FBXO11: variants seen among roughly 807,000 people sequenced by gnomAD.
FBXO11 encodes F-box only protein 11.
In FBXO11, 13 loss-of-function variants were observed where a neutral mutation model predicts 117.0. The observed-to-expected ratio is 0.11, with a 90% CI of 0.07 to 0.18. The LOEUF (loss-of-function observed/expected upper bound fraction) is 0.18. Ranked by LOEUF, FBXO11 falls within the 10% of genes least tolerant of loss-of-function variation. FBXO11 has a pLI of 1.00. For missense variants in FBXO11, 767 were observed against 1,164.4 expected, an observed-to-expected ratio of 0.66 and a Z score of 4.97; for synonymous variants, 490 against 380.5, an observed-to-expected ratio of 1.29 and a Z score of -3.35.
chr2:47,844,041 T>C (rs939914079), intron 1 of FBXO11, among the ~76,000 whole-genome samples: 1 of 152,036 alleles, frequency 6.6e-6, no homozygotes, highest in African/African-American at 2.4e-5. Flanking sequence ...GTGCCTGGCC[T>C]AGATTTGCTT....
At chr2:47,872,831 G>A (rs1024431811) in intron 1 of FBXO11, among the ~76,000 whole-genome samples, 1 of 151,848 alleles carries the variant, frequency 6.6e-6, no homozygotes, top group African/African-American at 2.4e-5. Context: ...CTAAATTTTT[G>A]TTTTGGAAAA....
intron 18 of FBXO11, among the ~76,000 whole-genome samples, chr2:47,811,886 T>G (rs991130887): frequency 2.6e-5 from 4 of 152,194 alleles, no homozygotes; most frequent in African/African-American, 9.7e-5. Context: ...GAAGTACAGG[T>G]GTGAGCCACT....
rs376909662 is a variant in FBXO11 at position 47,816,865 on chromosome 2, G to A, written c.2006+1914C>T. Among the ~76,000 whole-genome samples the A allele has an allele frequency of 1.2e-4, 18 of 152,030 alleles. No homozygotes were observed. In the East Asian group the frequency reaches 1.5e-3, roughly 13 times the overall value. On this transcript the variant is annotated intron_variant, in intron 16 of 22. Coordinates refer to ENST00000403359, the MANE Select transcript of FBXO11 (RefSeq NM_001190274.2). The stretch of plus-strand genomic sequence containing the variant: ...CATGATTTGTTGTTCCCTTTATAGC[G>A]CACAGGCAGAGTAGATTTAGCATAA...
At chr2:47,895,457 G>C (rs551237579) in intron 1 of FBXO11, among the ~76,000 whole-genome samples, 2 of 152,262 alleles carry the variant, frequency 1.3e-5, no homozygotes, top group Admixed American at 6.5e-5. Flanking sequence ...ACAGGCACAA[G>C]TAATCCAAGC....
intron 1 of FBXO11, among the ~76,000 whole-genome samples, chr2:47,864,172 CCCT>C (rs1221846354): frequency 1.3e-5 from 2 of 152,154 alleles, no homozygotes; most frequent in Admixed American, 6.6e-5. Flanking sequence ...TAAACAGAAT[CCCT>C]CCTAATTAAA....
intron 1 of FBXO11, among the ~76,000 whole-genome samples, chr2:47,899,605 A>G (rs1677945754): frequency 6.6e-6 from 1 of 152,222 alleles, no homozygotes; most frequent in Non-Finnish European, 1.5e-5. Flanking sequence ...ACCCATATCT[A>G]GCTAGCTTTA....
intron 13 of FBXO11, 136 bp downstream of exon 13, chr2:47,822,081 AT>A (rs1671432475): frequency 3.1e-6 from 2 of 650,536 alleles, no homozygotes; most frequent in South Asian, 3.7e-5. Context: ...GTAAGACCTC[AT>A]TTCTTTAAAA....
chr2:47,811,785 T>G (rs1670630103), intron 18 of FBXO11: 1 of 152,218 alleles, frequency 6.6e-6, no homozygotes, highest in South Asian at 2.1e-4. Flanking sequence ...GTTCCACCCT[T>G]TTTATAGAGA....
At chr2:47,870,267 T>C (rs1675526385) in intron 1 of FBXO11, among the ~76,000 whole-genome samples, 1 of 152,206 alleles carries the variant, frequency 6.6e-6, no homozygotes, top group Non-Finnish European at 1.5e-5. Flanking sequence ...CTTCTTAAGT[T>C]TTCTGCTCTG....
In FBXO11 at chr2:47,838,844, T is replaced by G. The variant is rs766401172; in HGVS notation, c.587+15A>C. 1.3e-4 allele frequency: 201 copies of G among 1,604,816 alleles called. No individual in the cohort carries two copies. The Admixed American group carries it at 3.2e-3, about 26-fold the overall frequency. Reference sequence around the variant, plus strand: ...TAACATATCTCAAGTTAATAAGGAATAGGTTTTTACTTACCACAAAATTGG... The same window carrying G: ...TAACATATCTCAAGTTAATAAGGAAGAGGTTTTTACTTACCACAAAATTGG... On this transcript the variant is annotated intron_variant, in intron 4 of 22. Transcript: ENST00000403359.
intron 1 of FBXO11, among the ~76,000 whole-genome samples, chr2:47,863,993 G>A (rs1468701472): frequency 6.6e-6 from 1 of 151,810 alleles, no homozygotes; most frequent in East Asian, 1.9e-4. Flanking sequence ...TCTAAAGCTG[G>A]ATTTAGGGTT....
At chr2:47,857,196 A>C (rs1399546845) in intron 1 of FBXO11, among the ~76,000 whole-genome samples, 1 of 152,234 alleles carries the variant, frequency 6.6e-6, no homozygotes, top group Non-Finnish European at 1.5e-5. Flanking sequence ...GAGATTATAA[A>C]ATCAGTATAC....
At chr2:47,818,035 T>C (rs750945147) in intron 16 of FBXO11, among the ~76,000 whole-genome samples, 19 of 152,116 alleles carry the variant, frequency 1.2e-4, no homozygotes, top group African/African-American at 2.2e-4. Context: ...TAATCCCAGC[T>C]ACTTGGGAGG....
chr2:47,862,282 G>C (rs755712145), intron 1 of FBXO11, among the ~76,000 whole-genome samples: 2 of 152,056 alleles, frequency 1.3e-5, no homozygotes, highest in South Asian at 2.1e-4. Flanking sequence ...AAAGCATCTT[G>C]AAATTTGAAA....
rs1476485476 is a variant in FBXO11, at chr2:47,813,983, ACAATGGAGTC to A, written c.2007-126_2007-117del. 105 of 753,522 alleles carry A rather than the reference ACAATGGAGTC, an allele frequency of 1.4e-4. No homozygotes were observed. The East Asian group carries it at 2.8e-3, about 20-fold the overall frequency. The allele number at this position is 753,522 out of a possible 1,614,324, so 46.7% of individuals were successfully genotyped here. A position where few individuals can be genotyped will look rare whatever the true frequency, so the allele number is the denominator to read the frequency against. On this transcript the variant is annotated intron_variant, in intron 16 of 22. Transcript: ENST00000403359. ...AAGTCACTTAGTAAGAATTAACTAT[ACAATGGAGTC>A]CAAGATGCCCTGAGAAGAAAGTGGT... is the stretch of plus-strand genomic sequence containing the variant.
At chr2:47,864,175 T>TC (rs1675010641) in intron 1 of FBXO11, among the ~76,000 whole-genome samples, 1 of 152,196 alleles carries the variant, frequency 6.6e-6, no homozygotes, top group Admixed American at 6.5e-5. Flanking sequence ...ACAGAATCCC[T>TC]CCTAATTAAA....
At chr2:47,862,570 C>T (rs1055697826) in intron 1 of FBXO11, among the ~76,000 whole-genome samples, 1 of 152,124 alleles carries the variant, frequency 6.6e-6, no homozygotes, top group African/African-American at 2.4e-5. Context: ...GACTATTGTG[C>T]CACCACGCTT....
intron 1 of FBXO11, among the ~76,000 whole-genome samples, chr2:47,842,101 C>T (rs896268068): frequency 1.3e-5 from 2 of 151,692 alleles, no homozygotes; most frequent in Non-Finnish European, 2.9e-5. Flanking sequence ...CTGCAACCTC[C>T]GTCTCCTGGG....
At chr2:47,891,584 G>C (rs1217634969) in intron 1 of FBXO11, among the ~76,000 whole-genome samples, 2 of 152,152 alleles carry the variant, frequency 1.3e-5, no homozygotes, top group Non-Finnish European at 2.9e-5. Context: ...ATAAACATGG[G>C]AGTGCTAGTA....
Sources: gnomAD v4.1 joint callset for allele counts (sites outside exome capture counted in the v4.1 genomes callset) on GRCh38, gnomAD v4.1.1 for gene constraint, MANE v1.5 for transcripts, NCBI Gene and HGNC (gene_info 2026-07-23, HGNC 2026-07-21) for gene names.